The following ITGB1 variants were observed in gnomAD, a reference collection of about 807,000 sequenced individuals.
ITGB1 encodes integrin beta-1.
A neutral mutation model predicts 86.5 loss-of-function variants in ITGB1; 24 were observed. That is an observed-to-expected ratio of 0.28 (90% CI 0.20 to 0.39). The LOEUF (loss-of-function observed/expected upper bound fraction) is 0.39, where lower values mean the gene tolerates loss of function less well. Among genes scored for constraint, ITGB1 ranks in the 10% least tolerant of loss-of-function variants. ITGB1 has a pLI of 1.00. For missense variants in ITGB1, 556 were observed against 946.9 expected (o/e 0.59, Z 5.42); for synonymous variants, 323 against 316.8 (o/e 1.02, Z -0.21).
At chr10:32,913,678 A>T (rs1245006957) in intron 11 of ITGB1, among the ~76,000 whole-genome samples, 1 of 152,250 alleles carries the variant, frequency 6.6e-6, no homozygotes, top group Non-Finnish European at 1.5e-5. Context: ...AAAAGACCAA[A>T]TCGATGTCTG....
rs531987588 is a variant in ITGB1, at chr10:32,913,740, T to C, written c.1470-1616A>G. 6.6e-5 allele frequency among the ~76,000 whole-genome samples: 10 copies of C among 152,256 alleles called. No homozygotes were observed. The South Asian group carries it at 8.3e-4, about 13-fold the overall frequency. On this transcript the variant is annotated intron_variant, in intron 11 of 15. Transcript: ENST00000302278. ...GAATGGAACCAAGTTGGAAAACATTTTTCAGGATATTATCCAGGAGAACTT... is the reference window on the plus strand; with the variant it reads ...GAATGGAACCAAGTTGGAAAACATTCTTCAGGATATTATCCAGGAGAACTT...
At chr10:32,928,647 T>C (rs917714390) in intron 4 of ITGB1, among the ~76,000 whole-genome samples, 4 of 152,180 alleles carry the variant, frequency 2.6e-5, no homozygotes, top group African/African-American at 9.6e-5. Context: ...CTCTGTTCTG[T>C]GTGTAGTGGG....
chr10:32,942,070 A>G (rs111744857), intron 1 of ITGB1, among the ~76,000 whole-genome samples: 33 of 152,308 alleles, frequency 2.2e-4, no homozygotes, highest in African/African-American at 7.7e-4. Context: ...TGAAAAGAAT[A>G]CTTAGGAAGA....
At chr10:32,931,201 G>A (rs757946808) in intron 3 of ITGB1, among the ~76,000 whole-genome samples, 1 of 152,050 alleles carries the variant, frequency 6.6e-6, no homozygotes, top group East Asian at 1.9e-4. Flanking sequence ...CAAAGCACAA[G>A]ATCCTAGTGA....
intron 14 of ITGB1, among the ~76,000 whole-genome samples, chr10:32,909,835 A>G (rs576517752): frequency 6.6e-6 from 1 of 152,276 alleles, no homozygotes; most frequent in South Asian, 2.1e-4. Context: ...TCAACACTTT[A>G]TATTAATATC....
chr10:32,904,305 G>T (rs913055865), intron 15 of ITGB1, among the ~76,000 whole-genome samples: 3 of 152,110 alleles, frequency 2.0e-5, no homozygotes, highest in African/African-American at 7.2e-5. Context: ...CGCAGCAAGA[G>T]AACAGGGTTA....
chr10:32,928,339 G>A, intron 4 of ITGB1, 75 bp from the exon 5 acceptor site: 2 of 698,394 alleles, frequency 2.9e-6, no homozygotes, highest in Non-Finnish European at 5.1e-6. Flanking sequence ...CCAAATAAAT[G>A]TGGTTTACAC....
intron 11 of ITGB1, among the ~76,000 whole-genome samples, chr10:32,916,423 T>C (rs1352022192): frequency 3.3e-5 from 5 of 152,216 alleles, no homozygotes; most frequent in Non-Finnish European, 7.3e-5. Flanking sequence ...GATGACATGA[T>C]TGTATATTTA....
In ITGB1 at chr10:32,919,939, G is replaced by A. The variant is rs1404856464; in HGVS notation, c.1415C>T (p.Pro472Leu). ...CECECQSEGI[P>L]ESPKCHEGNG... ...TCCTTCATGACACTTGGGACTTTCA[G>A]GGATGCCTTCGCTTTGGCATTCACA... The change falls in exon 11 of 16, where the codon CCT becomes CTT. Residue 472 changes from proline (P) to leucine (L), a missense_variant. This residue lies in a region of ITGB1 where 330 missense variants were observed against 531.5 expected (regional missense o/e 0.62). Transcript: ENST00000302278. The A allele has an allele frequency of 3.1e-6, 5 of 1,614,092 alleles. No homozygotes were observed. In the South Asian group the frequency reaches 4.4e-5, roughly 14 times the overall value.
intron 1 of ITGB1, among the ~76,000 whole-genome samples, chr10:32,950,380 A>C (rs547393116): frequency 6.6e-6 from 1 of 152,292 alleles, no homozygotes; most frequent in African/African-American, 2.4e-5. Flanking sequence ...TGACATGTGG[A>C]GATGAGTTCC....
Position 32,923,690 on chromosome 10 carries a change from A to G in ITGB1, c.837T>C (p.Asp279=). The G allele has an allele frequency of 2.5e-6, 4 of 1,613,946 alleles. No homozygotes were observed. The highest frequency in any genetic ancestry group is 3.4e-6 in the Non-Finnish European group (4 of 1,179,856). ...CATCTCCAGCAAAGTGAAACCCGGCATCTGTGGAAAACACCAGCAGCCGTG... is the reference window on the plus strand; with the variant it reads ...CATCTCCAGCAAAGTGAAACCCGGCGTCTGTGGAAAACACCAGCAGCCGTG... ...NVTRLLVFST[D]AGFHFAGDGK... is the part of the protein sequence containing the mutation. Residue 279 remains aspartate, a synonymous_variant, in exon 7 of 16, where the codon GAT becomes GAC. Coordinates refer to ENST00000302278, the MANE Select transcript of ITGB1 (RefSeq NM_002211.4).
intron 1 of ITGB1, among the ~76,000 whole-genome samples, chr10:32,955,853 T>C (rs1337902553): frequency 3.9e-5 from 6 of 152,234 alleles, no homozygotes; most frequent in African/African-American, 1.2e-4. Context: ...ATGCTTCTCA[T>C]GTGCAGAATG....
intron 1 of ITGB1, among the ~76,000 whole-genome samples, chr10:32,952,649 C>T (rs1187071): frequency 0.84 from 127,298 of 152,152 alleles, 53,781 homozygotes; most frequent in Non-Finnish European, 0.9. Context: ...CTTCCATACT[C>T]CAAATGGTAC....
At chr10:32,938,089 CT>C (rs1487604442) in intron 1 of ITGB1, among the ~76,000 whole-genome samples, 6 of 152,234 alleles carry the variant, frequency 3.9e-5, no homozygotes, top group African/African-American at 1.4e-4. Flanking sequence ...TCACTTGTGA[CT>C]GTATCCAAGA....
chr10:32,902,939 T>C (rs1185489118), intron 15 of ITGB1, among the ~76,000 whole-genome samples: 1 of 152,160 alleles, frequency 6.6e-6, no homozygotes, highest in East Asian at 1.9e-4. Flanking sequence ...TTAAGGAGAT[T>C]TTCATTGTGA....
intron 4 of ITGB1, among the ~76,000 whole-genome samples, chr10:32,928,602 G>C (rs2137221908): frequency 6.6e-6 from 1 of 152,164 alleles, no homozygotes; most frequent in South Asian, 2.1e-4. Flanking sequence ...CACGTGATAG[G>C]GTACAACTGA....
At chr10:32,912,224 G>A (rs777183178) in intron 11 of ITGB1, 100 bp from the exon 12 acceptor site, 66 of 894,460 alleles carry the variant, frequency 7.4e-5, no homozygotes, top group Middle Eastern at 4.6e-4. Context: ...AGCTCCCAGC[G>A]TGAGCGACAC....
chr10:32,935,705 C>T, intron 1 of ITGB1, 147 bp from the exon 2 acceptor site: 1 of 605,018 alleles, frequency 1.7e-6, no homozygotes, highest in Non-Finnish European at 2.9e-6. Context: ...TCTCCACAGA[C>T]CCTCGCCCAT....
chr10:32,915,858 C>G (rs2094929861), intron 11 of ITGB1, among the ~76,000 whole-genome samples: 1 of 152,146 alleles, frequency 6.6e-6, no homozygotes, highest in East Asian at 1.9e-4. Flanking sequence ...AGAGACACAA[C>G]AAAGAAAGAG....
Sources: allele counts gnomAD v4.1 joint callset (sites outside exome capture counted in the v4.1 genomes callset), GRCh38; gene constraint gnomAD v4.1.1; regional missense constraint gnomAD v4.1.1; transcripts MANE v1.5; gene names NCBI Gene and HGNC (gene_info 2026-07-23, HGNC 2026-07-21).